XYLT2: variants seen among roughly 807,000 people sequenced by gnomAD.
XYLT2 encodes xylosyltransferase 2, also known as UDP-D-xylose:proteoglycan core protein beta-D-xylosyltransferase.
In XYLT2, 37 loss-of-function variants were observed where a neutral mutation model predicts 82.6. The observed-to-expected ratio is 0.45, with a 90% CI of 0.34 to 0.59. The LOEUF (loss-of-function observed/expected upper bound fraction) is 0.59, where lower values mean the gene tolerates loss of function less well. Among genes scored for constraint, XYLT2 ranks in the 20% least tolerant of loss-of-function variants. The pLI, the probability that XYLT2 is intolerant of heterozygous loss-of-function variation, is 0.01. For synonymous variants in XYLT2, 474 were observed against 499.0 expected (o/e 0.95, Z 0.67); for missense variants, 934 against 1,181.3 (o/e 0.79, Z 3.07).
In XYLT2 at chr17:50,360,583, T is replaced by TC. The variant is rs2143251340; in HGVS notation, c.*292_*293insC. 5.1e-6 allele frequency: 6 copies of TC among 1,170,064 alleles called. No homozygotes were observed. The highest frequency in any genetic ancestry group is 3.2e-5 in the African/African-American group (2 of 62,386). 72.5% of individuals were successfully genotyped at this position (1,170,064 alleles called of 1,614,324 possible). ...ATTTCTTTTTTTTCTTTTTTTTTTT[T>TC]TTTTTTTAATTTAAAAAGGAAAATG... On this transcript the variant is annotated 3_prime_UTR_variant, in exon 11 of 11. Transcript: ENST00000017003.
In XYLT2 at chr17:50,354,104, C is replaced by T. The variant is rs1036695801; in HGVS notation, c.610C>T (p.Arg204Trp). ...AGSLMPKAVP[R>W]HCQLTGKMSP... ...GAGCCTCATGCCCAAGGCTGTGCCC[C>T]GGCACTGTCAGCTGACTGGTGAGGG... Residue 204 changes from arginine (R) to tryptophan (W), a missense_variant, in exon 2 of 11, where the codon CGG becomes TGG. Coordinates refer to ENST00000017003, the MANE Select transcript of XYLT2 (RefSeq NM_022167.4). 5.6e-6 allele frequency: 9 copies of T among 1,604,728 alleles called. No individual in the cohort carries two copies. The highest frequency in any genetic ancestry group is 1.3e-5 in the African/African-American group (1 of 74,920).
Position 50,354,395 on chromosome 17 carries a change from C to T in XYLT2, c.629-13C>T. ...TAGGGTGGGCCTCGCCAACGCCTGT[C>T]CTCTGCTCTCAGGGAAGATGAGCCC... On this transcript the variant is annotated splice_polypyrimidine_tract_variant and intron_variant, in intron 2 of 10. Transcript: ENST00000017003. The T allele has an allele frequency of 6.2e-7, 1 of 1,601,004 alleles. No individual in the cohort carries two copies.
intron 9 of XYLT2, chr17:50,357,886 C>T (rs1246834016): frequency 6.1e-6 from 2 of 328,114 alleles, no homozygotes; most frequent in Non-Finnish European, 1.1e-5. Flanking sequence ...GGCCCCTCCT[C>T]ATAGTCTCTT....
intron 1 of XYLT2, among the ~76,000 whole-genome samples, chr17:50,351,308 TG>T (rs1227280458): frequency 2.0e-5 from 3 of 152,068 alleles, no homozygotes; most frequent in African/African-American, 7.2e-5. Context: ...GATTTACTGA[TG>T]GAGTGGATGT....
intron 1 of XYLT2, among the ~76,000 whole-genome samples, chr17:50,352,020 G>C (rs1209730297): frequency 2.0e-5 from 3 of 152,186 alleles, no homozygotes; most frequent in African/African-American, 7.2e-5. Flanking sequence ...GAAAAGCCAG[G>C]TGGGTATCCT....
chr17:50,349,346 G>T (rs970862120), intron 1 of XYLT2, among the ~76,000 whole-genome samples: 1 of 152,142 alleles, frequency 6.6e-6, no homozygotes, highest in Non-Finnish European at 1.5e-5. Flanking sequence ...TCCCCAGCCT[G>T]TGGTGCCCTC....
intron 1 of XYLT2, among the ~76,000 whole-genome samples, chr17:50,349,427 C>T (rs78438328): frequency 0.19 from 29,196 of 151,970 alleles, 3,110 homozygotes; most frequent in Admixed American, 0.29. Context: ...GGAATGGGCG[C>T]CCCCAGCTCC....
At chr17:50,354,763 TTCC>T (rs1912437648) in intron 3 of XYLT2, 88 bp from the exon 4 acceptor site, 8 of 1,579,890 alleles carry the variant, frequency 5.1e-6, no homozygotes, top group Non-Finnish European at 6.9e-6. Flanking sequence ...GCCCTGTGCT[TTCC>T]TCGTCTTGTG....
intron 1 of XYLT2, among the ~76,000 whole-genome samples, chr17:50,349,112 G>A (rs896833464): frequency 1.3e-5 from 2 of 152,080 alleles, no homozygotes; most frequent in South Asian, 2.1e-4. Flanking sequence ...CCACATCCTG[G>A]CCCCCACCAC....
intron 1 of XYLT2, among the ~76,000 whole-genome samples, chr17:50,349,119 C>G (rs1389044729): frequency 6.6e-6 from 1 of 152,246 alleles, no homozygotes; most frequent in Non-Finnish European, 1.5e-5. Context: ...CTGGCCCCCA[C>G]CACAGCCAAC....
At chr17:50,349,750 G>A (rs1423260786) in intron 1 of XYLT2, among the ~76,000 whole-genome samples, 1 of 152,154 alleles carries the variant, frequency 6.6e-6, no homozygotes, top group African/African-American at 2.4e-5. Context: ...GTAGTGGGTA[G>A]GTTGGGGGAA....
Position 50,356,244 on chromosome 17 carries a change from G to T in XYLT2, c.1465G>T (p.Asp489Tyr), listed in dbSNP as rs149895988. ...GCSPNDFKPQ[D>Y]FLRLQQVSRP... Reference sequence around the variant, plus strand: ...CTCCCCCAACGACTTCAAGCCACAGGACTTCCTCCGGCTGCAGGTGCTTGC... The same window carrying T: ...CTCCCCCAACGACTTCAAGCCACAGTACTTCCTCCGGCTGCAGGTGCTTGC... The change falls in exon 7 of 11, where the codon GAC (aspartate) becomes TAC (tyrosine). Residue 489 changes from aspartate (D) to tyrosine (Y), a missense_variant. Around this residue, in one of 3 missense-constraint regions of XYLT2, gnomAD observed 189 missense variants for 320.8 expected, o/e 0.59. Coordinates refer to ENST00000017003, the MANE Select transcript of XYLT2 (RefSeq NM_022167.4). 3.1e-6 allele frequency: 5 copies of T among 1,613,648 alleles called. No homozygotes were observed. The highest frequency in any genetic ancestry group is 4.2e-6 in the Non-Finnish European group (5 of 1,179,570).
chr17:50,352,165 T>C (rs1265769923), intron 1 of XYLT2, among the ~76,000 whole-genome samples: 2 of 152,100 alleles, frequency 1.3e-5, no homozygotes. Flanking sequence ...GGGAGAGGGT[T>C]TACAAGGCTG....
At position 50,358,480 on chromosome 17, in the gene XYLT2, G is replaced by A; in HGVS notation, c.2215G>A (p.Gly739Ser). The change falls in exon 10 of 11, where the codon GGT (glycine) becomes AGT (serine). Residue 739 changes from glycine (G) to serine (S), a missense_variant. Coordinates refer to ENST00000017003, the MANE Select transcript of XYLT2 (RefSeq NM_022167.4). Reference sequence around the variant, plus strand: ...ACTCCTTCAGTTCTGGGAACCGCTGGGTGAGACCCGCTTCCTTGTGCTGCC... The same window carrying A: ...ACTCCTTCAGTTCTGGGAACCGCTGAGTGAGACCCGCTTCCTTGTGCTGCC... ...VRLLQFWEPL[G>S]ETRFLVLPLT... 1 of 1,614,192 alleles carries A rather than the reference G, an allele frequency of 6.2e-7. No individual in the cohort carries two copies. Among genetic ancestry groups the A allele is most frequent in the Non-Finnish European group, 8.5e-7 (1 of 1,180,030 alleles).
Position 50,346,847 on chromosome 17 carries a change from G to A in XYLT2, c.135+572G>A. 9.1e-6 allele frequency: 9 copies of A among 985,410 alleles called. No individual in the cohort carries two copies. Among genetic ancestry groups the A allele is most frequent in the Middle Eastern group, 1.0e-3 (2 of 1,914 alleles). 61.0% of individuals were successfully genotyped at this position (985,410 alleles called of 1,614,324 possible). ...GGAGTGACGCCGAAGGAGAGAACTG[G>A]AGTATTCCCGAGGTGTGGCTTCCTC... On this transcript the variant is annotated intron_variant, in intron 1 of 10. Transcript: ENST00000017003. This position sits in a 1 kb window ranked among gnomAD's most constrained non-coding sequence, Gnocchi z 5.1.
At position 50,354,292 on chromosome 17, in the gene XYLT2, C is replaced by A. The variant is rs571574035; in HGVS notation, c.629-116C>A. The A allele has an allele frequency of 1.2e-4, 179 of 1,487,794 alleles. No homozygotes were observed. In the African/African-American group the frequency reaches 1.7e-3, roughly 14 times the overall value. The allele number at this position is 1,487,794 out of a possible 1,614,324, so 92.2% of individuals were successfully genotyped here. A position where few individuals can be genotyped will look rare whatever the true frequency, so the allele number is the denominator to read the frequency against. On this transcript the variant is annotated intron_variant, in intron 2 of 10. Coordinates refer to ENST00000017003, the MANE Select transcript of XYLT2 (RefSeq NM_022167.4). The stretch of plus-strand genomic sequence containing the variant: ...GTGGCAGAGGCAGAGTGGGGACCCA[C>A]GAGCATGGAGCTCCAAGTCTAGGTT...
chr17:50,354,383 G>T, intron 2 of XYLT2, 25 bp from the exon 3 acceptor site: 1 of 1,583,188 alleles, frequency 6.3e-7, no homozygotes. Context: ...GGTGGGCCTC[G>T]CCAACGCCTG....
chr17:50,346,914 G>A lies in XYLT2; in HGVS notation c.135+639G>A. On this transcript the variant is annotated intron_variant, in intron 1 of 10. Transcript: ENST00000017003. This position sits in a 1 kb window ranked among gnomAD's most constrained non-coding sequence, Gnocchi z 5.1. Reference sequence around the variant, plus strand: ...AACCTGGATGGGTCTCCGGAGGGCAGGGAGAGGAGGAACTGAGCTGGTGAG... The same window carrying A: ...AACCTGGATGGGTCTCCGGAGGGCAAGGAGAGGAGGAACTGAGCTGGTGAG... The A allele has an allele frequency of 1.0e-6, 1 of 985,438 alleles. No individual in the cohort carries two copies. Among genetic ancestry groups the A allele is most frequent in the Non-Finnish European group, 1.2e-6 (1 of 829,922 alleles). 61.0% of individuals were successfully genotyped at this position (985,438 alleles called of 1,614,324 possible). A position where few individuals can be genotyped will look rare whatever the true frequency, so the allele number is the denominator to read the frequency against.
At chr17:50,349,962 C>G (rs563362023) in intron 1 of XYLT2, among the ~76,000 whole-genome samples, 1 of 151,990 alleles carries the variant, frequency 6.6e-6, no homozygotes, top group South Asian at 2.1e-4. Context: ...GCGGGCAGAT[C>G]ACTTGAGGTC....
Sources: allele counts gnomAD v4.1 joint callset (sites outside exome capture counted in the v4.1 genomes callset), GRCh38; gene constraint gnomAD v4.1.1; regional missense constraint gnomAD v4.1.1; non-coding constraint Gnocchi (gnomAD v3.1); transcripts MANE v1.5; gene names NCBI Gene and HGNC (gene_info 2026-07-23, HGNC 2026-07-21).